RNF150: variants seen among roughly 807,000 people sequenced by gnomAD.
RNF150 encodes ring finger protein 150.
A neutral mutation model predicts 39.3 loss-of-function variants in RNF150; 24 were observed. The observed-to-expected ratio is 0.61, with a 90% CI of 0.44 to 0.86. RNF150 has a LOEUF of 0.86. RNF150 is among the 40% of genes least tolerant of loss of function. The pLI, the probability that RNF150 is intolerant of heterozygous loss-of-function variation, is 0.00. For synonymous variants in RNF150, 255 were observed against 227.3 expected (o/e 1.12, Z -1.10); for missense variants, 502 against 587.8 (o/e 0.85, Z 1.51).
intron 1 of RNF150, among the ~76,000 whole-genome samples, chr4:141,104,582 C>T (rs975785966): frequency 5.3e-5 from 8 of 152,172 alleles, no homozygotes; most frequent in African/African-American, 1.9e-4. Context: ...ATTGCTTCCC[C>T]ATCTCTGAAG....
At chr4:140,907,689 T>C (rs892169067) in intron 6 of RNF150, among the ~76,000 whole-genome samples, 5 of 152,236 alleles carry the variant, frequency 3.3e-5, no homozygotes, top group Admixed American at 6.5e-5. Flanking sequence ...GTGTTAATTT[T>C]TCCCCCTGTT....
chr4:141,045,411 T>C (rs1027215915), intron 1 of RNF150, among the ~76,000 whole-genome samples: 1 of 152,224 alleles, frequency 6.6e-6, no homozygotes, highest in Non-Finnish European at 1.5e-5. Context: ...TAAGCATTTA[T>C]AAGTAAGGTC....
At chr4:140,946,142 C>G (rs2111368796) in intron 4 of RNF150, among the ~76,000 whole-genome samples, 1 of 152,336 alleles carries the variant, frequency 6.6e-6, no homozygotes, top group South Asian at 2.1e-4. Context: ...TGTCTACAAA[C>G]TAACGGAAAG....
intron 1 of RNF150, among the ~76,000 whole-genome samples, chr4:141,032,021 T>C (rs56267054): frequency 0.47 from 70,972 of 151,454 alleles, 18,146 homozygotes; most frequent in Non-Finnish European, 0.58. Flanking sequence ...TATATATGTA[T>C]ATATATACAC....
chr4:141,006,106 A>T (rs553727702), intron 1 of RNF150, among the ~76,000 whole-genome samples: 12 of 151,926 alleles, frequency 7.9e-5, no homozygotes, highest in Non-Finnish European at 1.5e-4. Context: ...AAAGAATGGA[A>T]CTATTTTTTT....
intron 6 of RNF150, among the ~76,000 whole-genome samples, chr4:140,871,023 C>T (rs1013268963): frequency 2.0e-5 from 3 of 150,220 alleles, no homozygotes; most frequent in Non-Finnish European, 4.5e-5. Flanking sequence ...TATATGTATA[C>T]ACACACACAC....
chr4:140,939,882 C>T (rs1007554004), intron 4 of RNF150, among the ~76,000 whole-genome samples: 13 of 152,126 alleles, frequency 8.5e-5, no homozygotes, highest in Non-Finnish European at 1.8e-4. Flanking sequence ...TCTGGTTTAC[C>T]CCTGAATCTC....
chr4:141,077,702 T>G (rs1424317155), intron 1 of RNF150, among the ~76,000 whole-genome samples: 1 of 152,232 alleles, frequency 6.6e-6, no homozygotes, highest in Non-Finnish European at 1.5e-5. Context: ...TTCCTTATGT[T>G]TCCTCTACCT....
intron 1 of RNF150, among the ~76,000 whole-genome samples, chr4:141,090,797 T>C (rs578162605): frequency 1.3e-4 from 20 of 152,312 alleles, no homozygotes; most frequent in South Asian, 6.2e-4. Flanking sequence ...CGATGGCCAA[T>C]GGTTTTTTGT....
intron 1 of RNF150, among the ~76,000 whole-genome samples, chr4:141,086,430 A>G (rs978052265): frequency 4.6e-5 from 7 of 152,066 alleles, no homozygotes; most frequent in African/African-American, 1.7e-4. Context: ...CTTTATCCCT[A>G]TTAATGCTTT....
At chr4:140,979,484 T>G (rs899855363) in intron 1 of RNF150, among the ~76,000 whole-genome samples, 2 of 152,056 alleles carry the variant, frequency 1.3e-5, no homozygotes, top group South Asian at 2.1e-4. Context: ...AAGGATTAAA[T>G]GAAAGAATGC....
At chr4:141,054,792 GCAAGA>G (rs1257988278) in intron 1 of RNF150, among the ~76,000 whole-genome samples, 1 of 152,138 alleles carries the variant, frequency 6.6e-6, no homozygotes, top group East Asian at 1.9e-4. Context: ...AGAAATGTGA[GCAAGA>G]CATGGCTCTG....
intron 1 of RNF150, among the ~76,000 whole-genome samples, chr4:141,122,098 T>C (rs1726622013): frequency 6.6e-6 from 1 of 152,106 alleles, no homozygotes; most frequent in African/African-American, 2.4e-5. Context: ...CATTTTCAAA[T>C]GAAAGAAAAT....
At chr4:141,201,233 T>C (rs1205790650) in intron 1 of RNF150, among the ~76,000 whole-genome samples, 2 of 152,196 alleles carry the variant, frequency 1.3e-5, no homozygotes, top group African/African-American at 2.4e-5. Context: ...CAAATTGATA[T>C]ACAATTACTA....
intron 1 of RNF150, among the ~76,000 whole-genome samples, chr4:141,179,092 T>A (rs1211977070): frequency 6.6e-6 from 1 of 152,156 alleles, no homozygotes; most frequent in African/African-American, 2.4e-5. Context: ...TAATGCATTA[T>A]TATATATTAA....
chr4:140,908,753 A>G (rs186113196), intron 6 of RNF150, among the ~76,000 whole-genome samples: 1 of 152,170 alleles, frequency 6.6e-6, no homozygotes, highest in Non-Finnish European at 1.5e-5. Context: ...TTTAACCCAC[A>G]ATATATTTAC....
At chr4:141,073,650 A>G (rs1489565217) in intron 1 of RNF150, among the ~76,000 whole-genome samples, 1 of 113,558 alleles carries the variant, frequency 8.8e-6, no homozygotes, top group Non-Finnish European at 2.0e-5. Flanking sequence ...AGCAATTAAT[A>G]CAATATCAAG....
chr4:141,207,434 A>ATGGAAAGCAGGAGAAGAAATG (rs1409476056), intron 1 of RNF150, among the ~76,000 whole-genome samples: 2 of 152,096 alleles, frequency 1.3e-5, no homozygotes, highest in Non-Finnish European at 2.9e-5. Flanking sequence ...AGGGGGTCAA[A>ATGGAAAGCAGGAGAAGAAATG]TGGAAAGCAG....
At chr4:141,196,999 A>T (rs1159834646) in intron 1 of RNF150, among the ~76,000 whole-genome samples, 1 of 152,182 alleles carries the variant, frequency 6.6e-6, no homozygotes, top group Non-Finnish European at 1.5e-5. Flanking sequence ...AACATAAATT[A>T]ATCTTTTGAT....
Sources: allele counts gnomAD v4.1 joint callset (sites outside exome capture counted in the v4.1 genomes callset), GRCh38; gene constraint gnomAD v4.1.1; transcripts MANE v1.5; gene names NCBI Gene and HGNC (gene_info 2026-07-23, HGNC 2026-07-21).